ZNF407: variants seen among roughly 807,000 people sequenced by gnomAD.
ZNF407 encodes zinc finger protein 407.
Under a neutral mutation model 131.2 loss-of-function variants are expected in ZNF407, and 17 were observed. The observed-to-expected ratio is 0.13, with a 90% CI of 0.09 to 0.19. The LOEUF (loss-of-function observed/expected upper bound fraction) is 0.19. ZNF407 is among the 10% of genes least tolerant of loss of function. The pLI is 1.00. For missense variants in ZNF407, 2,681 were observed against 2,830.6 expected (o/e 0.95, Z 1.20); for synonymous variants, 1,156 against 1,062.0 (o/e 1.09, Z -1.72).
intron 8 of ZNF407, among the ~76,000 whole-genome samples, chr18:75,016,602 A>G (rs1973047188): frequency 6.6e-6 from 1 of 152,096 alleles, no homozygotes; most frequent in Non-Finnish European, 1.5e-5. Flanking sequence ...TTATGTTCCA[A>G]CCTGTCCACC....
intron 1 of ZNF407, among the ~76,000 whole-genome samples, chr18:74,617,180 A>ACG (rs1983350419): frequency 6.6e-6 from 1 of 152,034 alleles, no homozygotes; most frequent in Non-Finnish European, 1.5e-5. Context: ...ATCCATATCC[A>ACG]CACACATCGA....
At chr18:74,920,480 T>A (rs993631822) in intron 7 of ZNF407, 34 bp from the exon 8 acceptor site, 3 of 1,535,898 alleles carry the variant, frequency 2.0e-6, no homozygotes, top group Middle Eastern at 1.8e-4. Flanking sequence ...TGGTTTGACC[T>A]TAATTAGATT....
At chr18:74,666,135 C>A (rs1349606739) in intron 3 of ZNF407, among the ~76,000 whole-genome samples, 3 of 152,148 alleles carry the variant, frequency 2.0e-5, no homozygotes, top group Non-Finnish European at 4.4e-5. Flanking sequence ...GTGTGCACGC[C>A]CCGCAGAAGC....
chr18:75,028,633 G>A (rs1339326023), intron 8 of ZNF407, among the ~76,000 whole-genome samples: 1 of 152,180 alleles, frequency 6.6e-6, no homozygotes, highest in African/African-American at 2.4e-5. Flanking sequence ...TAGAAACACT[G>A]AACGTCAATG....
intron 3 of ZNF407, among the ~76,000 whole-genome samples, chr18:74,686,935 G>T (rs965566272): frequency 1.1e-4 from 17 of 152,176 alleles, no homozygotes; most frequent in African/African-American, 4.1e-4. Flanking sequence ...TATTGAGCAC[G>T]TATTAGGTAC....
chr18:74,992,334 AG>A (rs1434195170), intron 8 of ZNF407, among the ~76,000 whole-genome samples: 1 of 152,184 alleles, frequency 6.6e-6, no homozygotes, highest in African/African-American at 2.4e-5. Flanking sequence ...CTGGGTGGGG[AG>A]GAGACAGGCA....
At chr18:74,772,163 G>T (rs973871520) in intron 3 of ZNF407, among the ~76,000 whole-genome samples, 2 of 152,044 alleles carry the variant, frequency 1.3e-5, no homozygotes, top group African/African-American at 4.8e-5. Context: ...CCCCACTTTC[G>T]TCCTCTTTCA....
chr18:74,916,161 A>G (rs1483538950), intron 7 of ZNF407, among the ~76,000 whole-genome samples: 1 of 45,922 alleles, frequency 2.2e-5, no homozygotes, highest in Non-Finnish European at 3.5e-5. Context: ...GTGTGCTGGT[A>G]TGGTGAGGTT....
chr18:74,710,151 T>C (rs558941219), intron 3 of ZNF407, among the ~76,000 whole-genome samples: 1 of 152,344 alleles, frequency 6.6e-6, no homozygotes, highest in Admixed American at 6.5e-5. Context: ...TAAATTTAGC[T>C]TTAAAACAAT....
intron 3 of ZNF407, among the ~76,000 whole-genome samples, chr18:74,663,799 T>G (rs1985816141): frequency 6.6e-6 from 1 of 152,120 alleles, no homozygotes. Context: ...CCGAGAGGAT[T>G]AGACAAACGG....
Position 74,973,040 on chromosome 18 carries a change from T to A in ZNF407, c.5428+52348T>A, listed in dbSNP as rs574326122. Reference sequence around the variant, plus strand: ...TCTCAGTTTTCTTTTTCCTGCCTGCTTGCGGTTTACTTGAACTTTTTCTAG... The same window carrying A: ...TCTCAGTTTTCTTTTTCCTGCCTGCATGCGGTTTACTTGAACTTTTTCTAG... On this transcript the variant is annotated intron_variant, in intron 8 of 8. Coordinates refer to ENST00000299687, the MANE Select transcript of ZNF407 (RefSeq NM_017757.3). Among the ~76,000 whole-genome samples, 8 of 152,342 alleles carry A rather than the reference T, an allele frequency of 5.3e-5. No homozygotes were observed. The East Asian group carries it at 1.5e-3, about 29-fold the overall frequency.
At chr18:74,706,791 C>A (rs1039619904) in intron 3 of ZNF407, among the ~76,000 whole-genome samples, 1 of 152,130 alleles carries the variant, frequency 6.6e-6, no homozygotes, top group African/African-American at 2.4e-5. Flanking sequence ...GGTGAGAGCT[C>A]ACCTTGGAAA....
chr18:74,947,066 G>A (rs1972161361), intron 8 of ZNF407, among the ~76,000 whole-genome samples: 3 of 152,194 alleles, frequency 2.0e-5, no homozygotes, highest in South Asian at 4.1e-4. Context: ...ACAGGTCATT[G>A]TGGAGAAACC....
intron 3 of ZNF407, among the ~76,000 whole-genome samples, chr18:74,666,749 C>T (rs1001597828): frequency 1.3e-5 from 2 of 152,154 alleles, no homozygotes; most frequent in African/African-American, 4.8e-5. Context: ...TCAGAAGTCT[C>T]GGCATTGAGG....
At chr18:75,056,624 T>G (rs896221102) in intron 8 of ZNF407, among the ~76,000 whole-genome samples, 34 of 152,224 alleles carry the variant, frequency 2.2e-4, no homozygotes, top group African/African-American at 7.0e-4. Flanking sequence ...AAGCATCACT[T>G]CTTCAAAACC....
intron 4 of ZNF407, among the ~76,000 whole-genome samples, chr18:74,830,157 C>A (rs758832257): frequency 6.6e-6 from 1 of 152,208 alleles, no homozygotes; most frequent in Non-Finnish European, 1.5e-5. Flanking sequence ...TGGTTTTGGA[C>A]TTCCAGCCTT....
At chr18:74,845,682 C>T (rs984459686) in intron 4 of ZNF407, among the ~76,000 whole-genome samples, 3 of 152,132 alleles carry the variant, frequency 2.0e-5, no homozygotes, top group Non-Finnish European at 2.9e-5. Context: ...CTAAAATATA[C>T]AATGAAGTTT....
chr18:75,033,904 C>T (rs1480521322), intron 8 of ZNF407, among the ~76,000 whole-genome samples: 1 of 152,064 alleles, frequency 6.6e-6, no homozygotes, highest in Non-Finnish European at 1.5e-5. Flanking sequence ...GAAAAATAAT[C>T]GCATTAAACT....
chr18:74,640,780 CTTAGG>C (rs1420185374), intron 2 of ZNF407, among the ~76,000 whole-genome samples: 4 of 152,072 alleles, frequency 2.6e-5, no homozygotes, highest in Non-Finnish European at 5.9e-5. Flanking sequence ...GAGTTTGAAT[CTTAGG>C]ATTGTTAGTG....
Sources: allele counts gnomAD v4.1 joint callset (sites outside exome capture counted in the v4.1 genomes callset), GRCh38; gene constraint gnomAD v4.1.1; transcripts MANE v1.5; gene names NCBI Gene and HGNC (gene_info 2026-07-23, HGNC 2026-07-21).